Variants in DCBLD2 observed in about 807,000 individuals in gnomAD.
The protein encoded by DCBLD2 is discoidin, CUB and LCCL domain containing 2.
A neutral mutation model predicts 86.8 loss-of-function variants in DCBLD2; 54 were observed. The observed-to-expected ratio is 0.62, with a 90% CI of 0.50 to 0.78. DCBLD2 has a LOEUF of 0.78. Ranked by LOEUF, DCBLD2 falls within the 30% of genes least tolerant of loss-of-function variation. DCBLD2 has a pLI of 0.00. For missense variants in DCBLD2, 908 were observed against 954.2 expected, an observed-to-expected ratio of 0.95 and a Z score of 0.64; for synonymous variants, 354 against 341.3, an observed-to-expected ratio of 1.04 and a Z score of -0.41.
At chr3:98,860,713 T>C (rs1943025465) in intron 2 of DCBLD2, among the ~76,000 whole-genome samples, 1 of 151,870 alleles carries the variant, frequency 6.6e-6, no homozygotes, top group African/African-American at 2.4e-5. Flanking sequence ...CTAAAAGAGC[T>C]CCTAAAGGAA....
chr3:98,812,752 T>A (rs2107437194), intron 9 of DCBLD2: 1 of 261,320 alleles, frequency 3.8e-6, no homozygotes, highest in East Asian at 8.9e-5. Flanking sequence ...TAACTTGGCA[T>A]TTGGGTAAAA....
chr3:98,901,449 AC>A lies in DCBLD2; in HGVS notation c.-124del. The A allele has an allele frequency of 9.8e-7, 1 of 1,023,278 alleles. No homozygotes were observed. Among genetic ancestry groups the A allele is most frequent in the East Asian group, 3.5e-5 (1 of 28,494 alleles). 63.4% of individuals were successfully genotyped at this position (1,023,278 alleles called of 1,614,324 possible). On this transcript the variant is annotated 5_prime_UTR_variant, in exon 1 of 16. Coordinates refer to ENST00000326840, the MANE Select transcript of DCBLD2 (RefSeq NM_080927.4). ...GAGAACAAGAGGCAGCCCTCGCCTC[AC>A]CCCGCGCCGGGACCCTTCCGCCCCT...
chr3:98,859,429 C>T (rs1942998310), intron 2 of DCBLD2, among the ~76,000 whole-genome samples: 1 of 152,230 alleles, frequency 6.6e-6, no homozygotes, highest in South Asian at 2.1e-4. Flanking sequence ...ACTGCCTCCT[C>T]AAGTGGGTCC....
intron 3 of DCBLD2, among the ~76,000 whole-genome samples, chr3:98,826,117 C>G (rs1385984506): frequency 1.3e-5 from 2 of 151,944 alleles, no homozygotes; most frequent in Non-Finnish European, 2.9e-5. Flanking sequence ...ACTAATCTGC[C>G]TCTAATTAAG....
intron 2 of DCBLD2, among the ~76,000 whole-genome samples, chr3:98,868,151 G>A (rs1201397693): frequency 2.0e-5 from 3 of 152,062 alleles, no homozygotes; most frequent in Admixed American, 1.3e-4. Flanking sequence ...GCAGCCCCCT[G>A]AAGCCTAAAG....
Position 98,901,281 on chromosome 3 carries a change from G to A in DCBLD2, c.46C>T (p.Pro16Ser), listed in dbSNP as rs1559805491. ...VVRARRCPQC[P>S]QVRAAAAAPA... ...GCGGCGGCCGCGGCCCGGACTTGGG[G>A]ACACTGCGGGCAGCGCCTGGCTCTC... Residue 16 changes from proline to serine, a missense_variant, in exon 1 of 16, where the codon CCC (proline) becomes TCC (serine). Coordinates refer to ENST00000326840, the MANE Select transcript of DCBLD2 (RefSeq NM_080927.4). 6.5e-7 allele frequency: 1 copy of A among 1,528,132 alleles called. No individual in the cohort carries two copies. The highest frequency in any genetic ancestry group is 8.7e-7 in the Non-Finnish European group (1 of 1,143,554). 94.7% of individuals were successfully genotyped at this position (1,528,132 alleles called of 1,614,324 possible).
chr3:98,880,185 A>G (rs909556889), intron 2 of DCBLD2, among the ~76,000 whole-genome samples: 1 of 152,218 alleles, frequency 6.6e-6, no homozygotes, highest in African/African-American at 2.4e-5. Context: ...GAGATAGGGC[A>G]GGAATTTTTC....
chr3:98,860,600 C>T (rs567125559), intron 2 of DCBLD2, among the ~76,000 whole-genome samples: 38 of 152,092 alleles, frequency 2.5e-4, no homozygotes, highest in Admixed American at 1.8e-3. Flanking sequence ...ATTTTCAACC[C>T]GGAATTTCAT....
At chr3:98,830,595 C>T (rs571967708) in intron 3 of DCBLD2, among the ~76,000 whole-genome samples, 46 of 152,222 alleles carry the variant, frequency 3.0e-4, no homozygotes, top group Admixed American at 1.0e-3. Flanking sequence ...TATTGGTCTA[C>T]GCACCTATTT....
intron 1 of DCBLD2, among the ~76,000 whole-genome samples, chr3:98,899,511 A>C (rs916547606): frequency 6.6e-6 from 1 of 152,022 alleles, no homozygotes; most frequent in Non-Finnish European, 1.5e-5. Flanking sequence ...CAGCCTCCCA[A>C]AGTGCTCGGA....
chr3:98,899,889 TC>T (rs1289016708), intron 1 of DCBLD2, among the ~76,000 whole-genome samples: 1 of 152,038 alleles, frequency 6.6e-6, no homozygotes, highest in Non-Finnish European at 1.5e-5. Context: ...AAGCCTGTTT[TC>T]CCCCCTACCA....
chr3:98,880,798 C>T (rs910657032), intron 2 of DCBLD2, among the ~76,000 whole-genome samples: 2 of 152,172 alleles, frequency 1.3e-5, no homozygotes, highest in African/African-American at 4.8e-5. Context: ...GCCAAAGTCA[C>T]ACAGCAAGCT....
chr3:98,830,390 A>T (rs916361809), intron 3 of DCBLD2, among the ~76,000 whole-genome samples: 6 of 152,170 alleles, frequency 3.9e-5, no homozygotes, highest in Admixed American at 3.3e-4. Context: ...TAAGTGTTTA[A>T]TCTATCTTGA....
At chr3:98,891,058 A>G (rs1943652469) in intron 1 of DCBLD2, among the ~76,000 whole-genome samples, 1 of 152,176 alleles carries the variant, frequency 6.6e-6, no homozygotes, top group East Asian at 1.9e-4. Flanking sequence ...GTCCTTACAG[A>G]GTTTACAATA....
chr3:98,859,321 T>A (rs953475789), intron 2 of DCBLD2, among the ~76,000 whole-genome samples: 6 of 152,054 alleles, frequency 3.9e-5, no homozygotes, highest in Non-Finnish European at 7.4e-5. Context: ...CAAACAAAAG[T>A]CAGCAAAAAC....
chr3:98,867,519 T>G (rs6440188), intron 2 of DCBLD2, among the ~76,000 whole-genome samples: 147,911 of 152,236 alleles, frequency 0.97, 72,015 homozygotes, highest in East Asian at 1. Context: ...TATAATCCAA[T>G]TCAATTTTCT....
At chr3:98,817,636 A>T in intron 9 of DCBLD2, 133 bp downstream of exon 9, 1 of 787,024 alleles carries the variant, frequency 1.3e-6, no homozygotes, top group Non-Finnish European at 1.9e-6. Context: ...CAATAACACT[A>T]CCTAAAATAA....
chr3:98,814,815 G>C (rs1334106757), intron 9 of DCBLD2: 1 of 152,202 alleles, frequency 6.6e-6, no homozygotes, highest in East Asian at 1.9e-4. Context: ...CTGACCATAA[G>C]AGTAACGGAT....
intron 1 of DCBLD2, among the ~76,000 whole-genome samples, chr3:98,896,538 A>G (rs1387383836): frequency 6.6e-6 from 1 of 152,248 alleles, no homozygotes; most frequent in African/African-American, 2.4e-5. Context: ...TTAATTTTAC[A>G]TGAACACACT....
Sources: gnomAD v4.1 joint callset for allele counts (sites outside exome capture counted in the v4.1 genomes callset) on GRCh38, gnomAD v4.1.1 for gene constraint, MANE v1.5 for transcripts, NCBI Gene and HGNC (gene_info 2026-07-23, HGNC 2026-07-21) for gene names.